The following GRK2 variants were observed in gnomAD, a reference collection of about 807,000 sequenced individuals.
The protein encoded by GRK2 is adrenergic beta receptor kinase 1.
Under a neutral mutation model 97.8 loss-of-function variants are expected in GRK2, and 23 were observed. That is an observed-to-expected ratio of 0.24 (90% CI 0.17 to 0.33). GRK2 has a LOEUF of 0.33. Ranked by LOEUF, GRK2 falls within the 10% of genes least tolerant of loss-of-function variation. The pLI is 1.00. For missense variants in GRK2, 633 were observed against 956.9 expected, an observed-to-expected ratio of 0.66 and a Z score of 4.47; for synonymous variants, 425 against 381.7, an observed-to-expected ratio of 1.11 and a Z score of -1.32.
intron 15 of GRK2, 70 bp from the exon 16 acceptor site, chr11:67,283,637 T>C: frequency 6.7e-7 from 1 of 1,484,106 alleles, no homozygotes; most frequent in East Asian, 2.3e-5. Context: ...AGCCAGAAAG[T>C]GGCTCAATCA....
chr11:67,284,179 C>G, intron 17 of GRK2, 32 bp from the exon 18 acceptor site: 3 of 1,612,200 alleles, frequency 1.9e-6, no homozygotes, highest in Non-Finnish European at 2.5e-6. Flanking sequence ...CTCTGTCCAC[C>G]CATGTGCCCC....
intron 18 of GRK2, 94 bp from the exon 19 acceptor site, chr11:67,284,753 C>T (rs1307064296): frequency 3.1e-5 from 45 of 1,473,216 alleles, no homozygotes; most frequent in Non-Finnish European, 4.1e-5. Flanking sequence ...TGTGCCACAG[C>T]CCTCCAGCCT....
At position 67,269,177 on chromosome 11, in the gene GRK2, G is replaced by A. The variant is rs1565061075; in HGVS notation, c.113+2365G>A. ...TTGCACACCCAGTGGGGCAGAGCAC[G>A]CCGCCCCCCGCCCCCCGCCGCCCCA... On this transcript the variant is annotated intron_variant, in intron 1 of 20. Transcript: ENST00000308595. This position sits in a 1 kb window ranked among gnomAD's most constrained non-coding sequence, Gnocchi z 4.1. Among the ~76,000 whole-genome samples, 2 of 152,184 alleles carry A rather than the reference G, an allele frequency of 1.3e-5. No individual in the cohort carries two copies. The highest frequency in any genetic ancestry group is 4.8e-5 in the African/African-American group (2 of 41,446).
At position 67,279,434 on chromosome 11, in the gene GRK2, A is replaced by C; in HGVS notation, c.281A>C (p.Lys94Thr). 2 of 1,613,308 alleles carry C rather than the reference A, an allele frequency of 1.2e-6. No individual in the cohort carries two copies. Among genetic ancestry groups the C allele is most frequent in the Non-Finnish European group, 1.7e-6 (2 of 1,180,018 alleles). Residue 94 changes from lysine (K) to threonine (T), a missense_variant, in exon 4 of 21, where the codon AAG (lysine) becomes ACG (threonine). Transcript: ENST00000308595. ...GTCCTCCAGATCAAGAAGTACGAGA[A>C]GCTGGAGACGGAGGAGGAGCGTGTG... is the stretch of plus-strand genomic sequence containing the variant. ...EFYEEIKKYE[K>T]LETEEERVAR... is the part of the protein sequence containing the mutation.
intron 1 of GRK2, among the ~76,000 whole-genome samples, chr11:67,271,313 G>A (rs112979411): frequency 6.6e-6 from 1 of 152,264 alleles, no homozygotes; most frequent in Non-Finnish European, 1.5e-5. Flanking sequence ...TTCTAAAACA[G>A]TAATATCCCT....
chr11:67,274,531 T>TTTTTTTTTTTTTTTG (rs1859986434), intron 1 of GRK2, among the ~76,000 whole-genome samples: 1 of 137,706 alleles, frequency 7.3e-6, no homozygotes, highest in Non-Finnish European at 1.6e-5. Context: ...TTGCTTTTTT[T>TTTTTTTTTTTTTTTG]CATCCCCTTC....
chr11:67,268,364 T>G (rs547559301), intron 1 of GRK2, among the ~76,000 whole-genome samples: 1 of 152,284 alleles, frequency 6.6e-6, no homozygotes, highest in African/African-American at 2.4e-5. Flanking sequence ...GGCCTTTTTT[T>G]TTCTAAGACA....
intron 6 of GRK2, 164 bp downstream of exon 6, chr11:67,280,064 G>T: frequency 1.5e-6 from 1 of 682,406 alleles, no homozygotes; most frequent in South Asian, 1.7e-5. Context: ...AGTCAGACAG[G>T]CTGCAGGTCA....
chr11:67,283,485 C>G (rs1322312909), intron 15 of GRK2: 2 of 611,706 alleles, frequency 3.3e-6, no homozygotes, highest in Admixed American at 5.9e-5. Context: ...TTATGTTTAT[C>G]AAACATTTAT....
chr11:67,279,976 G>A, intron 6 of GRK2, 76 bp downstream of exon 6: 1 of 1,442,238 alleles, frequency 6.9e-7, no homozygotes, highest in African/African-American at 1.4e-5. Flanking sequence ...GGCGTGGAGG[G>A]CAGAAGCCAG....
Position 67,282,250 on chromosome 11 carries a change from C to T in GRK2, c.958-21C>T. ...CCCCATCCTGAGCTGCCCCAGGCAG[C>T]TCACTGGGCTTCCTTCACAGCCAGC... On this transcript the variant is annotated intron_variant, in intron 11 of 20. Transcript: ENST00000308595. This position sits in a 1 kb window ranked among gnomAD's most constrained non-coding sequence, Gnocchi z 6.9. 6.2e-7 allele frequency: 1 copy of T among 1,611,566 alleles called. No individual in the cohort carries two copies.
intron 1 of GRK2, among the ~76,000 whole-genome samples, chr11:67,267,930 C>G (rs1859831704): frequency 6.6e-6 from 1 of 152,258 alleles, no homozygotes; most frequent in Admixed American, 6.5e-5. Flanking sequence ...TCTGGTTCTA[C>G]ATTTCATCAG....
Position 67,285,667 on chromosome 11 carries a change from C to T in GRK2, c.*217C>T, listed in dbSNP as rs4370946. ...CTCTGTCCTGACTTCAGGGGCTGCC[C>T]GCTCCCAGTGTCTTCCTGTGGGGGA... On this transcript the variant is annotated 3_prime_UTR_variant, in exon 21 of 21. Transcript: ENST00000308595. 0.031 allele frequency: 17,201 copies of T among 560,094 alleles called. 2,426 individuals are homozygous for T. The highest frequency in any genetic ancestry group is 0.3 in the African/African-American group (15,493 of 51,700). The allele number at this position is 560,094 out of a possible 1,614,324, so 34.7% of individuals were successfully genotyped here.
Position 67,282,109 on chromosome 11 carries a change from T to C in GRK2, c.957+157T>C. The C allele has an allele frequency of 8.0e-7, 1 of 1,257,662 alleles. No individual in the cohort carries two copies. Among genetic ancestry groups the C allele is most frequent in the East Asian group, 2.4e-5 (1 of 42,358 alleles). The allele number at this position is 1,257,662 out of a possible 1,614,324, so 77.9% of individuals were successfully genotyped here. A position where few individuals can be genotyped will look rare whatever the true frequency, so the allele number is the denominator to read the frequency against. On this transcript the variant is annotated intron_variant, in intron 11 of 20. Transcript: ENST00000308595. The surrounding 1 kb of genome is among the most constrained non-coding windows in gnomAD (Gnocchi z 6.9). ...CTGCCCTTCCCACCGAGCCACTCTC[T>C]GGGTCCAGGTTGTAGCTGGGGACAG... is the stretch of plus-strand genomic sequence containing the variant.
In GRK2 at chr11:67,283,193, G is replaced by A. The variant is rs770118047; in HGVS notation, c.1293G>A (p.Arg431=). 6.2e-7 allele frequency: 1 copy of A among 1,614,016 alleles called. No homozygotes were observed. The highest frequency in any genetic ancestry group is 1.7e-5 in the Admixed American group (1 of 60,028). Residue 431 remains arginine, a synonymous_variant, in exon 15 of 21, where the codon AGG becomes AGA. Coordinates refer to ENST00000308595, the MANE Select transcript of GRK2 (RefSeq NM_001619.5). ...CCCTGCTGGAGGGGTTGCTGCAGAG[G>A]GATGTCAACCGGAGATTGGGCTGCC... The part of the protein sequence containing the change: ...LRSLLEGLLQ[R]DVNRRLGCLG...
chr11:67,277,780 T>A (rs1860066725), intron 2 of GRK2, among the ~76,000 whole-genome samples: 1 of 152,156 alleles, frequency 6.6e-6, no homozygotes, highest in Non-Finnish European at 1.5e-5. Flanking sequence ...GTGTTGGCCC[T>A]CCATTCCTCC....
At chr11:67,271,297 G>C (rs976897059) in intron 1 of GRK2, among the ~76,000 whole-genome samples, 2 of 152,222 alleles carry the variant, frequency 1.3e-5, no homozygotes, top group Admixed American at 6.5e-5. Flanking sequence ...TTTGACTGCA[G>C]CTTTTTTCTA....
chr11:67,279,463 C>G lies in GRK2; in HGVS notation c.310C>G (p.Arg104Gly), dbSNP rs747840297. ...GGAGACGGAGGAGGAGCGTGTGGCC[C>G]GCAGCCGGGAGATCTTCGACTCATA... is the stretch of plus-strand genomic sequence containing the variant. ...KLETEEERVA[R>G]SREIFDSYIM... Residue 104 changes from arginine (R) to glycine (G), a missense_variant, in exon 4 of 21, where the codon CGC becomes GGC. This residue lies in a region of GRK2 where 193 missense variants were observed against 212.2 expected (regional missense o/e 0.91). Coordinates refer to ENST00000308595, the MANE Select transcript of GRK2 (RefSeq NM_001619.5). The G allele has an allele frequency of 6.2e-7, 1 of 1,613,268 alleles. No individual in the cohort carries two copies. Among genetic ancestry groups the G allele is most frequent in the South Asian group, 1.1e-5 (1 of 91,084 alleles).
chr11:67,282,747 C>T lies in GRK2; in HGVS notation c.1161-5C>T. On this transcript the variant is annotated splice_polypyrimidine_tract_variant and splice_region_variant and intron_variant, in intron 13 of 20. Transcript: ENST00000308595. This position sits in a 1 kb window ranked among gnomAD's most constrained non-coding sequence, Gnocchi z 6.9. Reference sequence around the variant, plus strand: ...TGACATTGGTTTTTGGCCTTTCTTGCCCAGGCACAGCCCCTTCCGGCAGCA... The same window carrying T: ...TGACATTGGTTTTTGGCCTTTCTTGTCCAGGCACAGCCCCTTCCGGCAGCA... 6.2e-7 allele frequency: 1 copy of T among 1,611,390 alleles called. No individual in the cohort carries two copies. Among genetic ancestry groups the T allele is most frequent in the African/African-American group, 1.3e-5 (1 of 75,024 alleles).
Sources: gnomAD v4.1 joint callset for allele counts (sites outside exome capture counted in the v4.1 genomes callset) on GRCh38, gnomAD v4.1.1 for gene constraint, gnomAD v4.1.1 regional missense constraint, Gnocchi (gnomAD v3.1) non-coding constraint, MANE v1.5 for transcripts, NCBI Gene and HGNC (gene_info 2026-07-23, HGNC 2026-07-21) for gene names.